ZBTB20: variants seen among roughly 807,000 people sequenced by gnomAD.
The protein encoded by ZBTB20 is zinc finger and BTB domain-containing protein 20.
ZBTB20 carries 9 observed loss-of-function variants against 56.9 expected under a neutral mutation model. The observed-to-expected ratio is 0.16, with a 90% confidence interval of 0.10 to 0.28. The LOEUF (loss-of-function observed/expected upper bound fraction) is 0.28. ZBTB20 is among the 10% of genes least tolerant of loss of function. The pLI, the probability that ZBTB20 is intolerant of heterozygous loss-of-function variation, is 1.00. For synonymous variants in ZBTB20, 417 were observed against 420.7 expected, an observed-to-expected ratio of 0.99 and a Z score of 0.11; for missense variants, 655 against 1,003.0, an observed-to-expected ratio of 0.65 and a Z score of 4.69.
chr3:114,406,403 T>C (rs2087325734), intron 7 of ZBTB20, among the ~76,000 whole-genome samples: 2 of 152,170 alleles, frequency 1.3e-5, no homozygotes, highest in South Asian at 4.1e-4. Flanking sequence ...AGAATAGAAC[T>C]TGCAATTGAC....
At chr3:114,716,234 C>T (rs1232649338) in intron 5 of ZBTB20, among the ~76,000 whole-genome samples, 2 of 152,190 alleles carry the variant, frequency 1.3e-5, no homozygotes, top group Non-Finnish European at 2.9e-5. Flanking sequence ...CCAGCCCATG[C>T]TGGATCAATA....
At chr3:114,678,273 T>A (rs1420552013) in intron 6 of ZBTB20, among the ~76,000 whole-genome samples, 1 of 152,192 alleles carries the variant, frequency 6.6e-6, no homozygotes, top group Non-Finnish European at 1.5e-5. Context: ...CTTGGCATCA[T>A]CAACCAATAT....
At chr3:115,047,975 C>T (rs1409729422) in intron 2 of ZBTB20, among the ~76,000 whole-genome samples, 1 of 151,732 alleles carries the variant, frequency 6.6e-6, no homozygotes, top group Non-Finnish European at 1.5e-5. Context: ...AATCCCAGCA[C>T]TTTGGGAGGC....
chr3:114,814,970 T>C (rs2072813292), intron 4 of ZBTB20, among the ~76,000 whole-genome samples: 1 of 152,166 alleles, frequency 6.6e-6, no homozygotes. Context: ...TATAACATGT[T>C]TCTATAGTAC....
chr3:114,753,385 A>ACG (rs1491176890), intron 5 of ZBTB20, among the ~76,000 whole-genome samples: 24,330 of 143,558 alleles, frequency 0.17, 10,912 homozygotes, highest in Admixed American at 0.28. Flanking sequence ...GTATATACAC[A>ACG]TACATGTATG....
chr3:114,449,053 G>A (rs1309702710), intron 7 of ZBTB20, among the ~76,000 whole-genome samples: 1 of 152,044 alleles, frequency 6.6e-6, no homozygotes, highest in Non-Finnish European at 1.5e-5. Context: ...TAAAATATCA[G>A]TATTAACCTG....
chr3:114,485,840 G>T (rs2042060499), intron 7 of ZBTB20, among the ~76,000 whole-genome samples: 1 of 152,100 alleles, frequency 6.6e-6, no homozygotes, highest in Non-Finnish European at 1.5e-5. Flanking sequence ...ATTTGCAGGT[G>T]CCTCAATCTT....
At chr3:114,774,158 G>T (rs2069419652) in intron 5 of ZBTB20, among the ~76,000 whole-genome samples, 1 of 152,094 alleles carries the variant, frequency 6.6e-6, no homozygotes, top group Non-Finnish European at 1.5e-5. Flanking sequence ...AATTTTCACA[G>T]TAAAAGGTAA....
At chr3:114,816,142 A>G (rs2072899065) in intron 4 of ZBTB20, among the ~76,000 whole-genome samples, 1 of 152,216 alleles carries the variant, frequency 6.6e-6, no homozygotes, top group African/African-American at 2.4e-5. Flanking sequence ...TTTAACAAAA[A>G]CTGTTACAAA....
intron 6 of ZBTB20, among the ~76,000 whole-genome samples, chr3:114,550,981 C>A (rs1235961506): frequency 6.6e-6 from 1 of 152,050 alleles, no homozygotes; most frequent in Non-Finnish European, 1.5e-5. Context: ...GAACTCCTGG[C>A]CACAAAGGAT....
At position 114,799,198 on chromosome 3, in the gene ZBTB20, G is replaced by A. The variant is rs540920991; in HGVS notation, c.-343+1903C>T. Among the ~76,000 whole-genome samples, 15 of 151,980 alleles carry A rather than the reference G, an allele frequency of 9.9e-5. No homozygotes were observed. In the South Asian group the frequency reaches 1.5e-3, roughly 15 times the overall value. On this transcript the variant is annotated intron_variant, in intron 5 of 11. Transcript: ENST00000675478. ...AACAAAATCTATAATATGGCAAGAC[G>A]AACTGAGGTATCAGAGCATCATCTA...
intron 4 of ZBTB20, among the ~76,000 whole-genome samples, chr3:114,805,623 T>C (rs1407415131): frequency 6.6e-6 from 1 of 151,318 alleles, no homozygotes; most frequent in Non-Finnish European, 1.5e-5. Context: ...GAGATATAAC[T>C]TATATAACAT....
chr3:115,029,365 T>A (rs2080568811), intron 2 of ZBTB20, among the ~76,000 whole-genome samples: 1 of 150,676 alleles, frequency 6.6e-6, no homozygotes, highest in Non-Finnish European at 1.5e-5. Flanking sequence ...TAGAGAGACC[T>A]TGATTAAATA....
intron 6 of ZBTB20, among the ~76,000 whole-genome samples, chr3:114,623,931 GT>G (rs1379868667): frequency 6.6e-6 from 1 of 152,170 alleles, no homozygotes; most frequent in Non-Finnish European, 1.5e-5. Context: ...CTCTGCCATT[GT>G]CCGTAGAGTG....
At chr3:115,078,613 G>GTGTGTGTGTGTGTGTGTATATATA (rs769630983) in intron 1 of ZBTB20, among the ~76,000 whole-genome samples, 4 of 137,828 alleles carry the variant, frequency 2.9e-5, no homozygotes, top group African/African-American at 1.1e-4. Flanking sequence ...GTGTGTGTGT[G>GTGTGTGTGTGTGTGTGTATATATA]TATATATATA....
At chr3:114,419,942 G>A (rs1288010222) in intron 7 of ZBTB20, among the ~76,000 whole-genome samples, 1 of 152,128 alleles carries the variant, frequency 6.6e-6, no homozygotes, top group East Asian at 1.9e-4. Flanking sequence ...GGGTGGGCAT[G>A]GCCCAGATCG....
intron 2 of ZBTB20, among the ~76,000 whole-genome samples, chr3:115,036,054 T>C (rs969674279): frequency 6.6e-6 from 1 of 152,144 alleles, no homozygotes; most frequent in Non-Finnish European, 1.5e-5. Flanking sequence ...ACAACGGTGG[T>C]TGCCAGGTTG....
intron 2 of ZBTB20, among the ~76,000 whole-genome samples, chr3:115,064,297 C>A (rs1166478588): frequency 2.0e-5 from 3 of 152,028 alleles, no homozygotes; most frequent in Admixed American, 1.3e-4. Flanking sequence ...ACGTAGCATA[C>A]CCTTGAAACA....
In ZBTB20 at chr3:114,329,122, A is replaced by G. The variant is rs1526036; in HGVS notation, c.*9883T>C. 0.98 allele frequency: 149,019 copies of G among 152,298 alleles called. 72,946 individuals are homozygous for G. The highest frequency in any genetic ancestry group is 1 in the East Asian group (5,180 of 5,180). 9.4% of individuals were successfully genotyped at this position (152,298 alleles called of 1,614,324 possible). On this transcript the variant is annotated 3_prime_UTR_variant, in exon 12 of 12. Transcript: ENST00000675478. ...TAGTGAATACAAGGCTTCACAACTG[A>G]AGAGCATTGCAGGGAGCTTGGCTAA...
Sources: gnomAD v4.1 joint callset for allele counts (sites outside exome capture counted in the v4.1 genomes callset) on GRCh38, gnomAD v4.1.1 for gene constraint, MANE v1.5 for transcripts, NCBI Gene and HGNC (gene_info 2026-07-23, HGNC 2026-07-21) for gene names.